Variants in SDC3 observed in about 807,000 individuals in gnomAD.
SDC3 encodes syndecan-3.
SDC3 carries 13 observed loss-of-function variants against 24.4 expected under a neutral mutation model. The ratio of observed to expected loss-of-function variants is 0.53; its 90% confidence interval spans 0.35 to 0.85. The LOEUF (loss-of-function observed/expected upper bound fraction) is 0.85. Ranked by LOEUF, SDC3 falls within the 40% of genes least tolerant of loss-of-function variation. SDC3 has a pLI of 0.01. For missense variants in SDC3, 571 were observed against 584.5 expected (o/e 0.98, Z 0.24); for synonymous variants, 295 against 260.9 (o/e 1.13, Z -1.26).
At position 30,894,718 on chromosome 1, in the gene SDC3, A is replaced by T. The variant is rs111226893; in HGVS notation, c.138+13731T>A. On this transcript the variant is annotated intron_variant, in intron 1 of 4. Coordinates refer to ENST00000339394, the MANE Select transcript of SDC3 (RefSeq NM_014654.4). ...TGAGAGTGTGTGGGTGTGTGTGGGG[A>T]GTGTGTGTGTGTATGTGTGAATGTG... Among the ~76,000 whole-genome samples, 12 of 145,454 alleles carry T rather than the reference A, an allele frequency of 8.3e-5. 1 individual carries two copies. Among genetic ancestry groups the T allele is most frequent in the African/African-American group, 2.8e-4 (11 of 39,460 alleles).
In SDC3 at chr1:30,894,192, C is replaced by T. The variant is rs184015568; in HGVS notation, c.138+14257G>A. Among the ~76,000 whole-genome samples, 237 of 144,116 alleles carry T rather than the reference C, an allele frequency of 1.6e-3. 2 individuals carry two copies. Among genetic ancestry groups the T allele is most frequent in the African/African-American group, 5.7e-3 (221 of 38,490 alleles). 94.5% of individuals were successfully genotyped at this position (144,116 alleles called of 152,430 possible). On this transcript the variant is annotated intron_variant, in intron 1 of 4. Transcript: ENST00000339394. The stretch of plus-strand genomic sequence containing the variant: ...GTGAGTGGGTGTGGGGGTAAGAGTG[C>T]GTGTGTGTGCATGAGAGTGTGTGTG...
chr1:30,905,339 ACT>A (rs1220745763), intron 1 of SDC3, among the ~76,000 whole-genome samples: 28 of 19,438 alleles, frequency 1.4e-3, no homozygotes, highest in African/African-American at 4.7e-3. Flanking sequence ...CCCCATCCGT[ACT>A]CTCTCTCTCT....
Position 30,908,625 on chromosome 1 carries a change from C to G in SDC3, c.-39G>C. 2 of 831,346 alleles carry G rather than the reference C, an allele frequency of 2.4e-6. No homozygotes were observed. Among genetic ancestry groups the G allele is most frequent in the African/African-American group, 3.9e-5 (2 of 51,084 alleles). The allele number at this position is 831,346 out of a possible 1,614,324, so 51.5% of individuals were successfully genotyped here. On this transcript the variant is annotated 5_prime_UTR_variant, in exon 1 of 5. Coordinates refer to ENST00000339394, the MANE Select transcript of SDC3 (RefSeq NM_014654.4). ...GCGCGGGCGGCGGGCGGCGGGCGGG[C>G]GCCTTTGTTCCCGAGGCGCGGCGCG...
intron 1 of SDC3, among the ~76,000 whole-genome samples, chr1:30,902,611 G>A (rs1638438260): frequency 1.3e-5 from 2 of 152,216 alleles, no homozygotes. Flanking sequence ...GGGATGATGG[G>A]AGCAAGGGCC....
intron 1 of SDC3, among the ~76,000 whole-genome samples, chr1:30,906,800 T>C (rs1471014909): frequency 2.0e-5 from 3 of 152,086 alleles, no homozygotes; most frequent in African/African-American, 7.2e-5. Context: ...TCCCAAGCCT[T>C]TGATTTTAAG....
chr1:30,894,400 G>T, intron 1 of SDC3, among the ~76,000 whole-genome samples: 1 of 128,436 alleles, frequency 7.8e-6, no homozygotes, highest in Non-Finnish European at 1.7e-5. Flanking sequence ...GTGTGGGGGA[G>T]TGAGAATGTG....
Position 30,878,750 on chromosome 1 carries a change from G to C in SDC3, c.139-10C>G. ...TGCGCCAGCGCTGGGCCTAGGGAAGGTAGAGGTGGACACAGGGCTCGGCAC... is the reference window on the plus strand; with the variant it reads ...TGCGCCAGCGCTGGGCCTAGGGAAGCTAGAGGTGGACACAGGGCTCGGCAC... On this transcript the variant is annotated splice_polypyrimidine_tract_variant and intron_variant, in intron 1 of 4. Transcript: ENST00000339394. 1 of 1,612,876 alleles carries C rather than the reference G, an allele frequency of 6.2e-7. No individual in the cohort carries two copies. The highest frequency in any genetic ancestry group is 8.5e-7 in the Non-Finnish European group (1 of 1,178,792).
At chr1:30,902,847 C>T (rs1638442505) in intron 1 of SDC3, among the ~76,000 whole-genome samples, 1 of 152,246 alleles carries the variant, frequency 6.6e-6, no homozygotes, top group Non-Finnish European at 1.5e-5. Flanking sequence ...CTGCCAGCCT[C>T]ACTGTCCCCA....
chr1:30,889,768 C>T (rs1639879532), intron 1 of SDC3, among the ~76,000 whole-genome samples: 1 of 152,184 alleles, frequency 6.6e-6, no homozygotes, highest in Non-Finnish European at 1.5e-5. Context: ...TAAAACAGCA[C>T]AGCCGCTTTA....
At chr1:30,903,721 C>A (rs1638458940) in intron 1 of SDC3, among the ~76,000 whole-genome samples, 2 of 152,140 alleles carry the variant, frequency 1.3e-5, no homozygotes, top group African/African-American at 4.8e-5. Flanking sequence ...TAAACAGTAG[C>A]TAATGCAGAC....
chr1:30,886,095 C>A (rs149861670), intron 1 of SDC3, among the ~76,000 whole-genome samples: 2 of 152,084 alleles, frequency 1.3e-5, no homozygotes, highest in Non-Finnish European at 2.9e-5. Flanking sequence ...CAGCACCCCC[C>A]ACACCCCACT....
upstream of SDC3, chr1:30,908,759 A>T (rs1638590147): frequency 6.8e-6 from 1 of 147,328 alleles, no homozygotes; most frequent in Non-Finnish European, 1.4e-5. Flanking sequence ...CCGCGCCCAC[A>T]GCGGCCGCGC....
intron 1 of SDC3, among the ~76,000 whole-genome samples, chr1:30,904,599 A>G (rs1263807213): frequency 1.3e-5 from 2 of 152,150 alleles, no homozygotes; most frequent in African/African-American, 4.8e-5. Flanking sequence ...CCCAGAGAGC[A>G]GGAGGCTTCA....
rs959086803 is a variant in SDC3 at position 30,908,435 on chromosome 1, C to A, written c.138+14G>T. ...CGGGGAGCCGTGGCGGGGATCCGGG[C>A]GCGTGTCACTCACCCCCGCGGCGCG... On this transcript the variant is annotated intron_variant, in intron 1 of 4. Coordinates refer to ENST00000339394, the MANE Select transcript of SDC3 (RefSeq NM_014654.4). 1.1e-5 allele frequency: 11 copies of A among 1,032,148 alleles called. No individual in the cohort carries two copies. The highest frequency in any genetic ancestry group is 3.5e-5 in the African/African-American group (2 of 56,736). 63.9% of individuals were successfully genotyped at this position (1,032,148 alleles called of 1,614,324 possible). A position where few individuals can be genotyped will look rare whatever the true frequency, so the allele number is the denominator to read the frequency against.
intron 1 of SDC3, among the ~76,000 whole-genome samples, chr1:30,894,664 G>GAA (rs1491273603): frequency 9.9e-5 from 4 of 40,470 alleles, no homozygotes; most frequent in African/African-American, 2.7e-4. Flanking sequence ...GTGTGGGTGA[G>GAA]TGTGTGTGGA....
intron 1 of SDC3, among the ~76,000 whole-genome samples, chr1:30,893,623 A>G (rs1408224915): frequency 6.6e-6 from 1 of 152,004 alleles, no homozygotes; most frequent in African/African-American, 2.4e-5. Context: ...TTGGTTGGGC[A>G]TCATTTTCCC....
At position 30,898,134 on chromosome 1, in the gene SDC3, G is replaced by C. The variant is rs544904143; in HGVS notation, c.138+10315C>G. Among the ~76,000 whole-genome samples the C allele has an allele frequency of 2.6e-5, 4 of 152,220 alleles. No individual in the cohort carries two copies. In the South Asian group the frequency reaches 8.3e-4, roughly 32 times the overall value. ...AGGTACCTGGTGACTGTGTGTTAAA[G>C]GCATGAAACACACTCTCATCAGAAA... On this transcript the variant is annotated intron_variant, in intron 1 of 4. Transcript: ENST00000339394.
In SDC3 at chr1:30,876,591, GGGCAGGGTGCTCCTCTCAGGGATGTCA is replaced by G; in HGVS notation, c.804_830del (p.Asp269_Pro277del). ...TGGGTCCAGGGGCAGTGGTCCCCAG[GGGCAGGGTGCTCCTCTCAGGGATGTCA>G]GGCTCCTGGGTGGTGGCCGGCCTGG... On this transcript the variant is annotated inframe_deletion, in exon 3 of 5. Transcript: ENST00000339394. The G allele has an allele frequency of 6.5e-7, 1 of 1,536,002 alleles. No homozygotes were observed. Among genetic ancestry groups the G allele is most frequent in the South Asian group, 1.3e-5 (1 of 79,898 alleles).
At chr1:30,902,410 G>A (rs1001725240) in intron 1 of SDC3, among the ~76,000 whole-genome samples, 7 of 152,218 alleles carry the variant, frequency 4.6e-5, no homozygotes, top group African/African-American at 1.4e-4. Context: ...AAGGCCACCA[G>A]GCCTCCTGGA....
Sources: gnomAD v4.1 joint callset for allele counts (sites outside exome capture counted in the v4.1 genomes callset) on GRCh38, gnomAD v4.1.1 for gene constraint, MANE v1.5 for transcripts, NCBI Gene and HGNC (gene_info 2026-07-23, HGNC 2026-07-21) for gene names.